OCA2: variants seen among roughly 807,000 people sequenced by gnomAD.
OCA2 encodes the protein P protein.
Under a neutral mutation model 100.2 loss-of-function variants are expected in OCA2, and 77 were observed. The ratio of observed to expected loss-of-function variants is 0.77; its 90% CI spans 0.64 to 0.93. The LOEUF (loss-of-function observed/expected upper bound fraction) is 0.93. Ranked by LOEUF, OCA2 falls within the 40% of genes least tolerant of loss-of-function variation. The pLI, the probability that OCA2 is intolerant of heterozygous loss-of-function variation, is 0.00. For synonymous variants in OCA2, 432 were observed against 439.2 expected, an observed-to-expected ratio of 0.98 and a Z score of 0.21; for missense variants, 1,062 against 1,089.1, an observed-to-expected ratio of 0.98 and a Z score of 0.35.
chr15:28,015,980 C>A, intron 8 of OCA2, 124 bp downstream of exon 8: 1 of 760,196 alleles, frequency 1.3e-6, no homozygotes. Context: ...GCATGAGTGC[C>A]GTGTCCAAGT....
chr15:28,047,614 A>G (rs1200346750), intron 2 of OCA2, among the ~76,000 whole-genome samples: 1 of 152,200 alleles, frequency 6.6e-6, no homozygotes, highest in Non-Finnish European at 1.5e-5. Flanking sequence ...AACTGCCTCA[A>G]CGTGATAAAG....
Position 28,013,560 on chromosome 15 carries a change from G to A in OCA2, c.1044+1216C>T, listed in dbSNP as rs908596207. Among the ~76,000 whole-genome samples, 5 of 152,124 alleles carry A rather than the reference G, an allele frequency of 3.3e-5. No individual in the cohort carries two copies. The East Asian group carries it at 5.8e-4, about 18-fold the overall frequency. ...GTAAGCTGAGGGTGACCATCTAACC[G>A]GCCTCCACAAAAACTCAGTCTCCAA... On this transcript the variant is annotated intron_variant, in intron 9 of 23. Coordinates refer to ENST00000354638, the MANE Select transcript of OCA2 (RefSeq NM_000275.3).
chr15:27,980,490 T>C (rs1460804641), intron 14 of OCA2, among the ~76,000 whole-genome samples: 2 of 152,226 alleles, frequency 1.3e-5, no homozygotes, highest in Non-Finnish European at 2.9e-5. Context: ...CTTCATGACT[T>C]TGTGAAGATC....
intron 16 of OCA2, among the ~76,000 whole-genome samples, chr15:27,955,724 G>A (rs1407066327): frequency 1.3e-5 from 2 of 152,080 alleles, no homozygotes; most frequent in African/African-American, 4.8e-5. Flanking sequence ...ACTTTGGGGG[G>A]CCGAGGGGGA....
intron 9 of OCA2, among the ~76,000 whole-genome samples, chr15:28,008,398 G>A (rs2042147105): frequency 2.0e-5 from 3 of 152,354 alleles, no homozygotes; most frequent in South Asian, 4.1e-4. Flanking sequence ...CTCATAGCCT[G>A]TTCCTCTTCC....
Position 28,070,084 on chromosome 15 carries a change from C to T in OCA2, c.227+11564G>A, listed in dbSNP as rs1454710230. On this transcript the variant is annotated intron_variant, in intron 2 of 23. Transcript: ENST00000354638. Reference sequence around the variant, plus strand: ...ATCTGGGATGTGAGGAGCACCTCTGCCCGGCCGAGACCCCGTCTGGGAGGT... The same window carrying T: ...ATCTGGGATGTGAGGAGCACCTCTGTCCGGCCGAGACCCCGTCTGGGAGGT... 3.5e-5 allele frequency among the ~76,000 whole-genome samples: 4 copies of T among 114,712 alleles called. 1 individual carries two copies. Among genetic ancestry groups the T allele is most frequent in the African/African-American group, 1.9e-4 (3 of 16,084 alleles). The allele number at this position is 114,712 out of a possible 152,430, so 75.3% of individuals were successfully genotyped here. A position where few individuals can be genotyped will look rare whatever the true frequency, so the allele number is the denominator to read the frequency against.
chr15:27,843,022 T>G (rs777864782), intron 23 of OCA2, among the ~76,000 whole-genome samples: 9 of 152,092 alleles, frequency 5.9e-5, no homozygotes, highest in South Asian at 2.1e-4. Flanking sequence ...TGGGAAAAGA[T>G]CAGACTGGGG....
chr15:27,824,014 C>T (rs1013643568), intron 23 of OCA2, among the ~76,000 whole-genome samples: 2 of 152,210 alleles, frequency 1.3e-5, no homozygotes, highest in Non-Finnish European at 2.9e-5. Context: ...AGCTGTTCTA[C>T]TATCGAAATG....
chr15:28,048,705 G>A (rs574000859), intron 2 of OCA2, among the ~76,000 whole-genome samples: 74 of 152,116 alleles, frequency 4.9e-4, no homozygotes, highest in Middle Eastern at 6.8e-3. Flanking sequence ...AATCCTTTGC[G>A]CTTCAAAAGA....
At chr15:27,902,564 A>G (rs950401965) in intron 19 of OCA2, among the ~76,000 whole-genome samples, 2 of 152,188 alleles carry the variant, frequency 1.3e-5, no homozygotes, top group African/African-American at 2.4e-5. Context: ...TTGCACTCCT[A>G]AAACGTCTCT....
intron 23 of OCA2, among the ~76,000 whole-genome samples, chr15:27,819,487 C>T (rs903645743): frequency 7.9e-5 from 12 of 152,154 alleles, no homozygotes; most frequent in African/African-American, 2.4e-4. Flanking sequence ...AGGCATTTCC[C>T]ACGAGAATGC....
intron 19 of OCA2, among the ~76,000 whole-genome samples, chr15:27,896,991 T>C (rs1354547146): frequency 6.6e-6 from 1 of 151,932 alleles, no homozygotes; most frequent in Non-Finnish European, 1.5e-5. Flanking sequence ...GAGATCCAGA[T>C]CATCCTGGCT....
intron 19 of OCA2, among the ~76,000 whole-genome samples, chr15:27,885,496 G>A (rs2037186045): frequency 1.3e-5 from 2 of 152,166 alleles, no homozygotes; most frequent in Admixed American, 6.5e-5. Context: ...TCCTAACACT[G>A]CTGAGAAATA....
chr15:28,077,368 GT>G (rs2141855326), intron 2 of OCA2, among the ~76,000 whole-genome samples: 1 of 152,232 alleles, frequency 6.6e-6, no homozygotes, highest in Non-Finnish European at 1.5e-5. Context: ...CCTGTGCTTA[GT>G]TTTTTTATGA....
chr15:27,843,229 G>A (rs1385851963), intron 23 of OCA2, among the ~76,000 whole-genome samples: 1 of 152,058 alleles, frequency 6.6e-6, no homozygotes, highest in East Asian at 1.9e-4. Context: ...TGAGAACGAC[G>A]GCCTTCCAGG....
intron 9 of OCA2, among the ~76,000 whole-genome samples, chr15:27,993,053 G>A (rs76268280): frequency 0.039 from 5,902 of 152,244 alleles, 396 homozygotes; most frequent in African/African-American, 0.14. Context: ...GAGCCCTGGA[G>A]GCAGAGCCTG....
At chr15:28,040,013 C>T (rs1397213812) in intron 2 of OCA2, among the ~76,000 whole-genome samples, 1 of 143,790 alleles carries the variant, frequency 7.0e-6, no homozygotes, top group Non-Finnish European at 1.5e-5. Flanking sequence ...GCCTGGGTGA[C>T]AGAGAGAGAC....
At chr15:27,811,037 A>G (rs1403053354) in intron 23 of OCA2, among the ~76,000 whole-genome samples, 2 of 131,626 alleles carry the variant, frequency 1.5e-5, no homozygotes, top group African/African-American at 6.2e-5. Flanking sequence ...CCCAAAGGCA[A>G]AGAAGTCATT....
At chr15:27,980,318 G>A (rs1223590908) in intron 14 of OCA2, among the ~76,000 whole-genome samples, 2 of 151,634 alleles carry the variant, frequency 1.3e-5, no homozygotes, top group South Asian at 2.1e-4. Context: ...TAGTAGAGAC[G>A]GGGTTTCACC....
Sources: gnomAD v4.1 joint callset for allele counts (sites outside exome capture counted in the v4.1 genomes callset) on GRCh38, gnomAD v4.1.1 for gene constraint, MANE v1.5 for transcripts, NCBI Gene and HGNC (gene_info 2026-07-23, HGNC 2026-07-21) for gene names.